Variants in PCDHA11 observed in about 807,000 individuals in gnomAD.
The protein encoded by PCDHA11 is protocadherin alpha 11, also known as protocadherin alpha-11.
A neutral mutation model predicts 70.3 loss-of-function variants in PCDHA11; 61 were observed. The ratio of observed to expected loss-of-function variants is 0.87; its 90% CI spans 0.71 to 1.07. The LOEUF (loss-of-function observed/expected upper bound fraction) is 1.07. Among genes scored for constraint, PCDHA11 ranks in the 50% least tolerant of loss-of-function variants. The pLI is 0.00. For synonymous variants in PCDHA11, 633 were observed against 555.1 expected (o/e 1.14, Z -1.97); for missense variants, 1,324 against 1,237.5 (o/e 1.07, Z -1.05).
At chr5:140,884,541 T>C (rs782267123) in intron 1 of PCDHA11, 17 of 1,613,862 alleles carry the variant, frequency 1.1e-5, no homozygotes, top group Non-Finnish European at 1.4e-5. Flanking sequence ...CGGCCGAGGG[T>C]GTGCTCTGGG....
At position 140,869,449 on chromosome 5, in the gene PCDHA11, G is replaced by C. The variant is rs1562628506; in HGVS notation, c.346G>C (p.Val116Leu). The C allele has an allele frequency of 9.3e-6, 15 of 1,614,196 alleles. No individual in the cohort carries two copies. The highest frequency in any genetic ancestry group is 1.3e-5 in the Non-Finnish European group (15 of 1,180,042). ...LEVIVDRPLQ[V>L]FHVNVEVKDI... ...GGTGATCGTGGACAGGCCGCTGCAG[G>C]TTTTCCATGTGAACGTGGAGGTGAA... Residue 116 changes from valine (V) to leucine (L), a missense_variant, in exon 1 of 4, where the codon GTT (valine) becomes CTT (leucine). Coordinates refer to ENST00000398640, the MANE Select transcript of PCDHA11 (RefSeq NM_018902.5).
At position 140,870,590 on chromosome 5, in the gene PCDHA11, G is replaced by C; in HGVS notation, c.1487G>C (p.Arg496Pro). ...NALVSYSLVE[R>P]RLGDRALSSY... ...CTGGTGTCCTACTCGCTGGTGGAGC[G>C]GCGGTTGGGCGACCGCGCGCTGTCG... The change falls in exon 1 of 4, where the codon CGG (arginine) becomes CCG (proline). Residue 496 changes from arginine (R) to proline (P), a missense_variant. Arg to Pro is a moderately radical substitution (Grantham distance 103, BLOSUM62 -2). Coordinates refer to ENST00000398640, the MANE Select transcript of PCDHA11 (RefSeq NM_018902.5). 1 of 1,613,564 alleles carries C rather than the reference G, an allele frequency of 6.2e-7. No individual in the cohort carries two copies. Among genetic ancestry groups the C allele is most frequent in the Non-Finnish European group, 8.5e-7 (1 of 1,179,898 alleles).
intron 3 of PCDHA11, among the ~76,000 whole-genome samples, chr5:140,987,901 T>C (rs1554249667): frequency 6.6e-6 from 1 of 152,180 alleles, no homozygotes. Context: ...TAGTTTTATA[T>C]GGGGATTTAT....
At chr5:140,885,313 A>G (rs2060560221) in intron 1 of PCDHA11, among the ~76,000 whole-genome samples, 1 of 152,144 alleles carries the variant, frequency 6.6e-6, no homozygotes, top group East Asian at 1.9e-4. Flanking sequence ...GCTTTTTGTT[A>G]TTATTTCTTT....
At position 140,957,560 on chromosome 5, in the gene PCDHA11, G is replaced by A. The variant is rs940495695; in HGVS notation, c.2392-21389G>A. ...TTAGAAAGTATTCTCTGTGGAAAAGGAGGGACTACTGTACTTTTAACAAAG... is the reference window on the plus strand; with the variant it reads ...TTAGAAAGTATTCTCTGTGGAAAAGAAGGGACTACTGTACTTTTAACAAAG... On this transcript the variant is annotated intron_variant, in intron 1 of 3. Transcript: ENST00000398640. 2.0e-5 allele frequency among the ~76,000 whole-genome samples: 3 copies of A among 152,074 alleles called. No homozygotes were observed. In the East Asian group the frequency reaches 5.8e-4, roughly 29 times the overall value.
At chr5:140,963,531 TTTAC>T (rs1391697303) in intron 1 of PCDHA11, among the ~76,000 whole-genome samples, 2 of 152,218 alleles carry the variant, frequency 1.3e-5, no homozygotes, top group African/African-American at 4.8e-5. Flanking sequence ...AGAAGTCCCA[TTTAC>T]TTCATGATAT....
rs782020247 is a variant in PCDHA11 at position 140,869,270 on chromosome 5, T to G, written c.167T>G (p.Leu56Arg). 3.0e-5 allele frequency: 48 copies of G among 1,613,430 alleles called. No homozygotes were observed. Among genetic ancestry groups the G allele is most frequent in the Non-Finnish European group, 4.0e-5 (47 of 1,179,952 alleles). Residue 56 changes from leucine (L) to arginine (R), a missense_variant, in exon 1 of 4, where the codon CTG (leucine) becomes CGG (arginine). Transcript: ENST00000398640. ...ATCGCGCAGGACCTGGGGCTGGAGC[T>G]GGCGGAGCTGGTGCAGCGCCTGTTC... ...GRIAQDLGLE[L>R]AELVQRLFRV...
intron 3 of PCDHA11, among the ~76,000 whole-genome samples, chr5:141,007,036 A>G (rs1018909399): frequency 4.6e-5 from 7 of 152,200 alleles, no homozygotes; most frequent in African/African-American, 1.4e-4. Context: ...ATTTATATCT[A>G]TGGATATGGC....
chr5:140,915,553 A>T (rs1317422262), intron 1 of PCDHA11, among the ~76,000 whole-genome samples: 1 of 152,156 alleles, frequency 6.6e-6, no homozygotes, highest in African/African-American at 2.4e-5. Context: ...AATAAGATCC[A>T]GAATGATTAT....
At chr5:140,926,391 A>G (rs76822698) in intron 1 of PCDHA11, 1 of 152,346 alleles carries the variant, frequency 6.6e-6, no homozygotes, top group East Asian at 1.9e-4. Context: ...GGGCTCAGCC[A>G]CAGTTATCAG....
intron 1 of PCDHA11, among the ~76,000 whole-genome samples, chr5:140,921,577 A>G (rs1248608945): frequency 6.6e-6 from 1 of 152,242 alleles, no homozygotes; most frequent in African/African-American, 2.4e-5. Context: ...AGTAGAGCTC[A>G]TACTATATTA....
intron 1 of PCDHA11, among the ~76,000 whole-genome samples, chr5:140,975,536 A>G (rs957684886): frequency 2.0e-5 from 3 of 152,226 alleles, no homozygotes; most frequent in Admixed American, 1.3e-4. Flanking sequence ...TATTCTTAAT[A>G]CAGTCCTATT....
At chr5:140,985,847 C>T (rs1178290779) in intron 3 of PCDHA11, among the ~76,000 whole-genome samples, 4 of 150,300 alleles carry the variant, frequency 2.7e-5, no homozygotes, top group African/African-American at 7.3e-5. Context: ...TCATGCCACT[C>T]TCCTGCCTCA....
chr5:140,995,901 A>C (rs2097702550), intron 3 of PCDHA11, among the ~76,000 whole-genome samples: 3 of 152,212 alleles, frequency 2.0e-5, no homozygotes, highest in Non-Finnish European at 1.5e-5. Flanking sequence ...CAATGTATAA[A>C]AGAGGAGAGA....
At chr5:140,929,013 G>A in intron 1 of PCDHA11, 1 of 1,614,120 alleles carries the variant, frequency 6.2e-7, no homozygotes, top group South Asian at 1.1e-5. Context: ...GTACCAAGTT[G>A]CACCAGAGCC....
chr5:140,994,317 T>A (rs1053879490), intron 3 of PCDHA11, among the ~76,000 whole-genome samples: 7 of 152,086 alleles, frequency 4.6e-5, no homozygotes, highest in African/African-American at 1.7e-4. Flanking sequence ...GCCCAAACAC[T>A]CTCAGCAACC....
At chr5:140,929,459 G>A in intron 1 of PCDHA11, 1 of 1,350,080 alleles carries the variant, frequency 7.4e-7, no homozygotes. Flanking sequence ...CACTTCCTGT[G>A]CCAAGAAATC....
At chr5:140,883,521 T>G in intron 1 of PCDHA11, 1 of 1,614,202 alleles carries the variant, frequency 6.2e-7, no homozygotes, top group Non-Finnish European at 8.5e-7. Flanking sequence ...CGCGAGAGCG[T>G]ATCAGCCTAT....
chr5:140,918,334 A>G (rs1419491986), intron 1 of PCDHA11, among the ~76,000 whole-genome samples: 1 of 152,144 alleles, frequency 6.6e-6, no homozygotes, highest in Non-Finnish European at 1.5e-5. Context: ...ATTGTCTGCT[A>G]AGAGAGATAG....
Sources: gnomAD v4.1 joint callset for allele counts (sites outside exome capture counted in the v4.1 genomes callset) on GRCh38, gnomAD v4.1.1 for gene constraint, MANE v1.5 for transcripts, NCBI Gene and HGNC (gene_info 2026-07-23, HGNC 2026-07-21) for gene names.